Variants in SAP130 observed in about 807,000 individuals in gnomAD.
SAP130 encodes the protein Sin3A associated protein 130, also known as histone deacetylase complex subunit SAP130.
Under a neutral mutation model 103.2 loss-of-function variants are expected in SAP130, and 16 were observed. The observed-to-expected ratio is 0.16, with a 90% CI of 0.10 to 0.24. The LOEUF (loss-of-function observed/expected upper bound fraction) is 0.24. Among genes scored for constraint, SAP130 ranks in the 10% least tolerant of loss-of-function variants. The pLI is 1.00. For missense variants in SAP130, 990 were observed against 1,359.7 expected (o/e 0.73, Z 4.28); for synonymous variants, 477 against 497.0 (o/e 0.96, Z 0.53).
intron 15 of SAP130, among the ~76,000 whole-genome samples, chr2:127,960,993 C>A (rs931686542): frequency 7.3e-6 from 1 of 137,258 alleles, no homozygotes; most frequent in African/African-American, 2.7e-5. Context: ...TTCTTTCTTT[C>A]TTTTTTTTTT....
intron 7 of SAP130, among the ~76,000 whole-genome samples, chr2:128,003,535 G>C (rs1683724659): frequency 2.0e-5 from 3 of 150,992 alleles, no homozygotes; most frequent in Non-Finnish European, 3.0e-5. Flanking sequence ...TGGGACTACA[G>C]GTGGGCGTCA....
intron 2 of SAP130, among the ~76,000 whole-genome samples, chr2:128,021,657 C>T (rs1210582286): frequency 1.3e-5 from 2 of 152,158 alleles, no homozygotes; most frequent in Non-Finnish European, 2.9e-5. Context: ...CTCAGCAACA[C>T]CAAGGAGCAG....
At chr2:128,015,619 A>T (rs1161072027) in intron 4 of SAP130, among the ~76,000 whole-genome samples, 1 of 152,168 alleles carries the variant, frequency 6.6e-6, no homozygotes, top group Non-Finnish European at 1.5e-5. Context: ...TCACAAAAAA[A>T]CCTTAAAACA....
chr2:127,960,826 T>A (rs1259812243), intron 15 of SAP130, among the ~76,000 whole-genome samples: 1 of 152,184 alleles, frequency 6.6e-6, no homozygotes, highest in Non-Finnish European at 1.5e-5. Context: ...AATAACTGAA[T>A]TCTAGAATAT....
In SAP130 at chr2:128,013,140, C is replaced by A; in HGVS notation, c.634G>T (p.Ala212Ser). The A allele has an allele frequency of 6.2e-7, 1 of 1,601,364 alleles. No individual in the cohort carries two copies. The highest frequency in any genetic ancestry group is 1.8e-5 in the Admixed American group (1 of 56,706). Reference sequence around the variant, plus strand: ...GTTACTTTAGAACTGGACATCACAGCAGCAGCAGCTGCACCTGAAAAAAAA... The same window carrying A: ...GTTACTTTAGAACTGGACATCACAGAAGCAGCAGCTGCACCTGAAAAAAAA... ...SHLPRGAAAA[A>S]VMSSSKVTTV... Residue 212 changes from alanine (A) to serine (S), a missense_variant, in exon 6 of 21, where the codon GCT becomes TCT. By Grantham distance (99) the Ala-to-Ser change is moderately conservative. Coordinates refer to ENST00000643581, the MANE Select transcript of SAP130 (RefSeq NM_001330301.2).
chr2:127,960,234 G>C (rs1016078119), intron 15 of SAP130, among the ~76,000 whole-genome samples: 1 of 152,138 alleles, frequency 6.6e-6, no homozygotes, highest in Non-Finnish European at 1.5e-5. Context: ...CAAATCAAGG[G>C]GGTAAATCAA....
In SAP130 at chr2:128,021,601, C is replaced by T. The variant is rs184006912; in HGVS notation, c.113-3686G>A. Among the ~76,000 whole-genome samples, 565 of 152,042 alleles carry T rather than the reference C, an allele frequency of 3.7e-3. 4 individuals carry two copies. The highest frequency in any genetic ancestry group is 6.9e-3 in the Non-Finnish European group (472 of 67,992). ...TTGGGGAATAGATTACATAGAATAC[C>T]ACCACTGGTTTACAAGAAAAGTTCA... On this transcript the variant is annotated intron_variant, in intron 2 of 20. Coordinates refer to ENST00000643581, the MANE Select transcript of SAP130 (RefSeq NM_001330301.2).
rs181747417 is a variant in SAP130, at chr2:127,957,143, T to A, written c.2064-1799A>T. Among the ~76,000 whole-genome samples, 153 of 151,880 alleles carry A rather than the reference T, an allele frequency of 1.0e-3. 4 individuals are homozygous for A. The East Asian group carries it at 0.023, about 23-fold the overall frequency. On this transcript the variant is annotated intron_variant, in intron 15 of 20. Transcript: ENST00000643581. ...TAGTAAGACCCCATTTCTTAAAAAATTTTTTTTAATTAGCCAGGTGCACTG... is the reference window on the plus strand; with the variant it reads ...TAGTAAGACCCCATTTCTTAAAAAAATTTTTTTAATTAGCCAGGTGCACTG...
At chr2:127,959,200 C>T (rs1254668150) in intron 15 of SAP130, among the ~76,000 whole-genome samples, 2 of 152,082 alleles carry the variant, frequency 1.3e-5, no homozygotes, top group Non-Finnish European at 2.9e-5. Context: ...CCTGGATTTG[C>T]TTTTTTCCTT....
chr2:127,974,781 C>G (rs1005901670), intron 15 of SAP130, among the ~76,000 whole-genome samples: 1 of 152,174 alleles, frequency 6.6e-6, no homozygotes, highest in African/African-American at 2.4e-5. Context: ...CTACTGCACT[C>G]TAGCCTGGGC....
At chr2:127,951,602 C>A (rs897935468) in intron 16 of SAP130, among the ~76,000 whole-genome samples, 9 of 152,130 alleles carry the variant, frequency 5.9e-5, no homozygotes, top group African/African-American at 1.9e-4. Context: ...AGGTCTGAAC[C>A]CTATAATCAC....
At chr2:127,987,702 T>C (rs1682500395) in intron 13 of SAP130, among the ~76,000 whole-genome samples, 1 of 152,144 alleles carries the variant, frequency 6.6e-6, no homozygotes, top group Non-Finnish European at 1.5e-5. Context: ...GAAAACACTA[T>C]CTACCAGCCT....
In SAP130 at chr2:127,989,603, T is replaced by C. The variant is rs753706484; in HGVS notation, c.1741A>G (p.Met581Val). ...INTQGLQPAP[M>V]GTQQPQPEGK... The stretch of plus-strand genomic sequence containing the variant: ...TCAGGCTGAGGCTGCTGAGTACCCA[T>C]AGGTGCAGGCTGAAGCCCTTGTGTG... The change falls in exon 13 of 21, where the codon ATG becomes GTG. Residue 581 changes from methionine (M) to valine (V), a missense_variant. This residue lies in a region of SAP130 where 349 missense variants were observed against 384.1 expected (regional missense o/e 0.91). Coordinates refer to ENST00000643581, the MANE Select transcript of SAP130 (RefSeq NM_001330301.2). The surrounding 1 kb of genome is among the most constrained non-coding windows in gnomAD (Gnocchi z 4.6). 2.6e-5 allele frequency: 42 copies of C among 1,614,014 alleles called. No homozygotes were observed. Among genetic ancestry groups the C allele is most frequent in the African/African-American group, 5.3e-5 (4 of 74,918 alleles).
chr2:127,949,759 CTT>C, intron 18 of SAP130, 108 bp downstream of exon 18: 1 of 1,167,590 alleles, frequency 8.6e-7, no homozygotes, highest in Non-Finnish European at 1.2e-6. Flanking sequence ...GTAACAAAAA[CTT>C]ATGGTTTTTT....
chr2:127,997,737 G>T (rs1356379379), intron 10 of SAP130, among the ~76,000 whole-genome samples: 1 of 152,188 alleles, frequency 6.6e-6, no homozygotes, highest in African/African-American at 2.4e-5. Flanking sequence ...AAGCTGCCAT[G>T]TGACAGAGTA....
chr2:127,970,205 G>A (rs1045416660), intron 15 of SAP130, among the ~76,000 whole-genome samples: 1 of 135,486 alleles, frequency 7.4e-6, no homozygotes, highest in African/African-American at 2.8e-5. Context: ...TCCAGCCTGG[G>A]TGGGAGACTC....
At chr2:127,961,516 G>C (rs1479253183) in intron 15 of SAP130, among the ~76,000 whole-genome samples, 1 of 61,950 alleles carries the variant, frequency 1.6e-5, no homozygotes. Context: ...CTCATACCTT[G>C]CTTTTTTTTT....
At chr2:128,010,445 G>A in intron 6 of SAP130, 52 bp from the exon 7 acceptor site, 1 of 1,544,082 alleles carries the variant, frequency 6.5e-7, no homozygotes, top group Non-Finnish European at 8.8e-7. Flanking sequence ...AATAGAGGAA[G>A]TCAAATACTA....
In SAP130 at chr2:127,968,414, G is replaced by GTT. The variant is rs772856433; in HGVS notation, c.2063+9569_2063+9570dup. Among the ~76,000 whole-genome samples, 278 of 133,916 alleles carry GTT rather than the reference G, an allele frequency of 2.1e-3. 3 individuals are homozygous for GTT. The highest frequency in any genetic ancestry group is 6.9e-3 in the African/African-American group (237 of 34,350). 87.9% of individuals were successfully genotyped at this position (133,916 alleles called of 152,430 possible). ...ACGTGAGCCACCATGCCCGGAGTTG[G>GTT]TTTTTTTTTTTTTTTTTTTTTTTTA... On this transcript the variant is annotated intron_variant, in intron 15 of 20. Coordinates refer to ENST00000643581, the MANE Select transcript of SAP130 (RefSeq NM_001330301.2).
Sources: allele counts gnomAD v4.1 joint callset (sites outside exome capture counted in the v4.1 genomes callset), GRCh38; gene constraint gnomAD v4.1.1; regional missense constraint gnomAD v4.1.1; non-coding constraint Gnocchi (gnomAD v3.1); transcripts MANE v1.5; gene names NCBI Gene and HGNC (gene_info 2026-07-23, HGNC 2026-07-21).